The following TXLNB variants were observed in gnomAD, a reference collection of about 807,000 sequenced individuals.
The protein encoded by TXLNB is taxilin beta.
In TXLNB, 37 loss-of-function variants were observed where a neutral mutation model predicts 57.4. The observed-to-expected ratio is 0.64, with a 90% CI of 0.50 to 0.85. The LOEUF (loss-of-function observed/expected upper bound fraction) is 0.85, where lower values mean the gene tolerates loss of function less well. Among genes scored for constraint, TXLNB ranks in the 40% least tolerant of loss-of-function variants. The pLI, the probability that TXLNB is intolerant of heterozygous loss-of-function variation, is 0.00. For missense variants in TXLNB, 848 were observed against 825.6 expected (o/e 1.03, Z -0.33); for synonymous variants, 302 against 309.6 (o/e 0.98, Z 0.26).
At chr6:139,285,422 T>A (rs1230773171) in intron 2 of TXLNB, among the ~76,000 whole-genome samples, 1 of 143,890 alleles carries the variant, frequency 6.9e-6, no homozygotes. Context: ...GAAACTTGAA[T>A]AATGACTAAC....
chr6:139,217,649 A>AT, the TXLNB span, among the ~76,000 whole-genome samples: 1 of 152,058 alleles, frequency 6.6e-6, no homozygotes, highest in Non-Finnish European at 1.5e-5. Context: ...AGGGCAGATC[A>AT]CGAGCTCAGA....
chr6:139,220,454 G>A, the TXLNB span, among the ~76,000 whole-genome samples: 3 of 152,202 alleles, frequency 2.0e-5, no homozygotes, highest in East Asian at 1.9e-4. Context: ...TGCCATTTTA[G>A]TGAATCCTTG....
At chr6:139,198,513 A>T in the TXLNB span, among the ~76,000 whole-genome samples, 1 of 147,206 alleles carries the variant, frequency 6.8e-6, no homozygotes, top group Non-Finnish European at 1.5e-5. Context: ...GAGACAGATA[A>T]GCTGTTGTGT....
At chr6:139,295,555 C>G (rs1295249587), upstream of TXLNB, among the ~76,000 whole-genome samples, 1 of 151,312 alleles carries the variant, frequency 6.6e-6, no homozygotes, top group Non-Finnish European at 1.5e-5. Flanking sequence ...GAGGTAATAA[C>G]ATAAAACTGT....
the TXLNB span, among the ~76,000 whole-genome samples, chr6:139,161,041 G>T: frequency 1.2e-3 from 180 of 152,238 alleles, no homozygotes; most frequent in East Asian, 0.033. Flanking sequence ...ATGTGTGTGT[G>T]TGGTGTGTGT....
At chr6:139,257,382 AAC>A (rs1776371606) in intron 6 of TXLNB, among the ~76,000 whole-genome samples, 1 of 152,220 alleles carries the variant, frequency 6.6e-6, no homozygotes, top group Non-Finnish European at 1.5e-5. Flanking sequence ...AATTTGCACA[AAC>A]AGTTTTTTGT....
At chr6:139,203,886 GA>G in the TXLNB span, among the ~76,000 whole-genome samples, 4 of 151,604 alleles carry the variant, frequency 2.6e-5, no homozygotes, top group Non-Finnish European at 5.9e-5. Context: ...GGGACAAGAG[GA>G]AAAAAAATTC....
At chr6:139,301,680 G>A in the TXLNB span, among the ~76,000 whole-genome samples, 1 of 152,062 alleles carries the variant, frequency 6.6e-6, no homozygotes, top group Non-Finnish European at 1.5e-5. Context: ...ACACAGAATG[G>A]GGCAACAAGC....
At chr6:139,210,259 G>A in the TXLNB span, among the ~76,000 whole-genome samples, 10 of 152,144 alleles carry the variant, frequency 6.6e-5, no homozygotes, top group Non-Finnish European at 1.3e-4. Flanking sequence ...TATGCTGCTG[G>A]TGGGAATGTA....
the TXLNB span, chr6:139,177,022 G>C: frequency 1.1e-6 from 1 of 872,688 alleles, no homozygotes; most frequent in Non-Finnish European, 2.0e-6. The surrounding 1 kb of genome is among the most constrained non-coding windows in gnomAD (Gnocchi z 4.9). Context: ...ATATAGCAAC[G>C]TCCAGCAGTG....
the TXLNB span, chr6:139,167,001 C>G: frequency 6.2e-7 from 1 of 1,614,196 alleles, no homozygotes; most frequent in Non-Finnish European, 8.5e-7. Flanking sequence ...GCGGGGTTGG[C>G]AGTTCACAGG....
Position 139,242,402 on chromosome 6 carries a change from A to G in TXLNB, c.*124T>C, listed in dbSNP as rs1775955041. ...TGAATGTGTTCTGCCTAACATTAAA[A>G]AATGTCTTGATCCTAAGTCTCTTCC... On this transcript the variant is annotated 3_prime_UTR_variant, in exon 10 of 10. Coordinates refer to ENST00000358430, the MANE Select transcript of TXLNB (RefSeq NM_153235.4). 2 of 758,468 alleles carry G rather than the reference A, an allele frequency of 2.6e-6. No homozygotes were observed. The highest frequency in any genetic ancestry group is 3.8e-6 in the Non-Finnish European group (2 of 530,948). The allele number at this position is 758,468 out of a possible 1,614,324, so 47.0% of individuals were successfully genotyped here. A position where few individuals can be genotyped will look rare whatever the true frequency, so the allele number is the denominator to read the frequency against.
At chr6:139,189,863 G>A in the TXLNB span, among the ~76,000 whole-genome samples, 1 of 152,160 alleles carries the variant, frequency 6.6e-6, no homozygotes, top group African/African-American at 2.4e-5. Context: ...TCACGTGATG[G>A]GATTCCATGT....
chr6:139,165,347 C>T, the TXLNB span, among the ~76,000 whole-genome samples: 1 of 152,140 alleles, frequency 6.6e-6, no homozygotes, highest in African/African-American at 2.4e-5. Context: ...CCTCCAGCCT[C>T]CCCCACTGTG....
chr6:139,230,752 C>T, the TXLNB span, among the ~76,000 whole-genome samples: 4 of 152,170 alleles, frequency 2.6e-5, no homozygotes, highest in African/African-American at 9.7e-5. Context: ...CACACACCTG[C>T]CTGTTTGTTC....
At chr6:139,181,102 G>A in the TXLNB span, among the ~76,000 whole-genome samples, 4 of 139,800 alleles carry the variant, frequency 2.9e-5, no homozygotes, top group African/African-American at 1.1e-4. Flanking sequence ...TTGATAGATA[G>A]TATAGTGTTA....
chr6:139,290,691 A>T (rs776478552), intron 1 of TXLNB, among the ~76,000 whole-genome samples: 2 of 152,164 alleles, frequency 1.3e-5, no homozygotes, highest in Non-Finnish European at 2.9e-5. Flanking sequence ...GTTGCAATAG[A>T]TTTGGTTTAG....
At chr6:139,188,981 C>T in the TXLNB span, among the ~76,000 whole-genome samples, 180 of 152,298 alleles carry the variant, frequency 1.2e-3, no homozygotes, top group African/African-American at 4.2e-3. Context: ...GCCTCAAACT[C>T]GTGACCCTCA....
downstream of TXLNB, chr6:139,239,986 T>C (rs1461301558): frequency 1.3e-5 from 2 of 152,010 alleles, no homozygotes; most frequent in East Asian, 3.9e-4. The surrounding 1 kb of genome is among the most constrained non-coding windows in gnomAD (Gnocchi z 4.7). Context: ...TCATTAGGTA[T>C]TGTCGAAACA....
Sources: allele counts gnomAD v4.1 joint callset (sites outside exome capture counted in the v4.1 genomes callset), GRCh38; gene constraint gnomAD v4.1.1; non-coding constraint Gnocchi (gnomAD v3.1); transcripts MANE v1.5; gene names NCBI Gene and HGNC (gene_info 2026-07-23, HGNC 2026-07-21).